Variants in TNKS observed in about 807,000 individuals in gnomAD.
TNKS encodes the protein poly [ADP-ribose] polymerase tankyrase-1.
Under a neutral mutation model 135.8 loss-of-function variants are expected in TNKS, and 72 were observed. The ratio of observed to expected loss-of-function variants is 0.53; its 90% CI spans 0.44 to 0.64. The LOEUF (loss-of-function observed/expected upper bound fraction) is 0.64. Among genes scored for constraint, TNKS ranks in the 30% least tolerant of loss-of-function variants. The probability of loss-of-function intolerance (pLI) is 0.00; values close to 1 mark genes in which losing one functional copy is unlikely to be tolerated. For missense variants in TNKS, 1,769 were observed against 1,674.0 expected, an observed-to-expected ratio of 1.06 and a Z score of -0.99; for synonymous variants, 849 against 649.3, an observed-to-expected ratio of 1.31 and a Z score of -4.68.
At chr8:9,743,995 T>C (rs1806102854) in intron 17 of TNKS, among the ~76,000 whole-genome samples, 1 of 152,238 alleles carries the variant, frequency 6.6e-6, no homozygotes, top group South Asian at 2.1e-4. Flanking sequence ...TTGATCATTA[T>C]TCCTTCATAC....
intron 3 of TNKS, among the ~76,000 whole-genome samples, chr8:9,617,984 G>GTT (rs33956228): frequency 2.2e-4 from 21 of 93,990 alleles, no homozygotes; most frequent in East Asian, 8.7e-4. Context: ...CTCTTTTTTG[G>GTT]TTTTTTTTTT....
intron 2 of TNKS, among the ~76,000 whole-genome samples, chr8:9,599,672 G>A (rs1261270292): frequency 6.6e-6 from 1 of 152,056 alleles, no homozygotes; most frequent in Non-Finnish European, 1.5e-5. Flanking sequence ...AATGTATTGT[G>A]TCCTGGATTA....
At position 9,705,916 on chromosome 8, in the gene TNKS, A is replaced by G. The variant is rs187023378; in HGVS notation, c.1203-271A>G. ...TAAATACTTAATATATAATGCATGC[A>G]TTTGTCAATTAGCATATGATCTTCC... On this transcript the variant is annotated intron_variant, in intron 6 of 26. Coordinates refer to ENST00000310430, the MANE Select transcript of TNKS (RefSeq NM_003747.3). 4.9e-4 allele frequency among the ~76,000 whole-genome samples: 75 copies of G among 152,292 alleles called. No homozygotes were observed. In the Middle Eastern group the frequency reaches 0.017, roughly 35 times the overall value.
At chr8:9,719,691 G>A (rs539186227) in intron 11 of TNKS, among the ~76,000 whole-genome samples, 1 of 152,254 alleles carries the variant, frequency 6.6e-6, no homozygotes, top group Admixed American at 6.5e-5. Context: ...AGAGGGTGCT[G>A]ATTGGGATCT....
At chr8:9,773,706 TA>T (rs1340236281) in intron 26 of TNKS, among the ~76,000 whole-genome samples, 1 of 150,672 alleles carries the variant, frequency 6.6e-6, no homozygotes, top group Non-Finnish European at 1.5e-5. Context: ...GAGTGATTAG[TA>T]CAAAACTTAT....
rs894982099 is a variant in TNKS, at chr8:9,722,678, T to A, written c.1921+2133T>A. Among the ~76,000 whole-genome samples the A allele has an allele frequency of 2.6e-5, 4 of 152,326 alleles. No individual in the cohort carries two copies. The East Asian group carries it at 7.7e-4, about 29-fold the overall frequency. On this transcript the variant is annotated intron_variant, in intron 12 of 26. Transcript: ENST00000310430. Reference sequence around the variant, plus strand: ...TTCCCTCTCAGTAAATTCTAATGATTTCTAAAAGTTGTGATTTTTGTTAAA... The same window carrying A: ...TTCCCTCTCAGTAAATTCTAATGATATCTAAAAGTTGTGATTTTTGTTAAA...
intron 22 of TNKS, among the ~76,000 whole-genome samples, chr8:9,763,978 G>A (rs1322206280): frequency 2.6e-4 from 40 of 152,118 alleles, no homozygotes; most frequent in Non-Finnish European, 1.5e-5. Flanking sequence ...CCCCAGGGCT[G>A]TATTTCAGCT....
chr8:9,567,438 C>T (rs1001744430), intron 1 of TNKS, among the ~76,000 whole-genome samples: 11 of 152,104 alleles, frequency 7.2e-5, no homozygotes, highest in Admixed American at 2.0e-4. Context: ...TTTTTTGAGA[C>T]GGAGTCTCGC....
intron 5 of TNKS, among the ~76,000 whole-genome samples, chr8:9,687,342 G>A (rs912753103): frequency 2.0e-5 from 3 of 152,170 alleles, no homozygotes; most frequent in East Asian, 1.9e-4. Flanking sequence ...TTCGGAGTAC[G>A]TCTTGCTGAG....
At chr8:9,580,086 T>TG in intron 1 of TNKS, 73 bp from the exon 2 acceptor site, 1 of 1,280,198 alleles carries the variant, frequency 7.8e-7, no homozygotes, top group Admixed American at 1.7e-5. Flanking sequence ...TTGTTGATAT[T>TG]GTTACAGATA....
intron 3 of TNKS, among the ~76,000 whole-genome samples, chr8:9,662,480 C>A (rs1045847727): frequency 2.0e-5 from 3 of 152,086 alleles, no homozygotes; most frequent in Non-Finnish European, 2.9e-5. Flanking sequence ...TCATTCTCAG[C>A]AAACTATCGC....
At chr8:9,619,346 G>T (rs755323083) in intron 3 of TNKS, among the ~76,000 whole-genome samples, 1 of 152,202 alleles carries the variant, frequency 6.6e-6, no homozygotes, top group African/African-American at 2.4e-5. Flanking sequence ...TCTGGGCAGA[G>T]TGGAAAGGAT....
At chr8:9,598,120 T>C (rs1307032391) in intron 2 of TNKS, among the ~76,000 whole-genome samples, 2 of 152,152 alleles carry the variant, frequency 1.3e-5, no homozygotes, top group African/African-American at 4.8e-5. Context: ...GATATATTTA[T>C]GATATACTTT....
At chr8:9,767,445 C>T (rs915332172) in intron 25 of TNKS, among the ~76,000 whole-genome samples, 3 of 152,166 alleles carry the variant, frequency 2.0e-5, no homozygotes, top group Admixed American at 6.5e-5. Flanking sequence ...TAATAAGATA[C>T]TTTGTAATTT....
chr8:9,619,968 T>C (rs997486197), intron 3 of TNKS, among the ~76,000 whole-genome samples: 5 of 151,540 alleles, frequency 3.3e-5, no homozygotes, highest in African/African-American at 1.2e-4. Context: ...TTTTTTTTTT[T>C]GCGACGGAGT....
intron 3 of TNKS, among the ~76,000 whole-genome samples, chr8:9,672,420 C>T (rs1802318044): frequency 6.6e-6 from 1 of 151,910 alleles, no homozygotes; most frequent in South Asian, 2.1e-4. Flanking sequence ...AAATATATGA[C>T]AGCTGTGCTG....
chr8:9,744,138 T>G (rs1806112970), intron 17 of TNKS, among the ~76,000 whole-genome samples: 1 of 152,202 alleles, frequency 6.6e-6, no homozygotes, highest in Non-Finnish European at 1.5e-5. Flanking sequence ...TCAATAAAAA[T>G]TACAAGTTGC....
In TNKS at chr8:9,781,405, C is replaced by T. The variant is rs1254615927; in HGVS notation, c.*4669C>T. ...GGTAGTGGGGTGTCCCTCACACACC[C>T]GCGCACCCCTCCCAAAGTTCAGGAT... On this transcript the variant is annotated 3_prime_UTR_variant, in exon 27 of 27. Transcript: ENST00000310430. 1.3e-5 allele frequency: 2 copies of T among 152,116 alleles called. No homozygotes were observed. Among genetic ancestry groups the T allele is most frequent in the Non-Finnish European group, 2.9e-5 (2 of 68,036 alleles). 9.4% of individuals were successfully genotyped at this position (152,116 alleles called of 1,614,324 possible). A position where few individuals can be genotyped will look rare whatever the true frequency, so the allele number is the denominator to read the frequency against.
chr8:9,617,462 C>G (rs1369866345), intron 3 of TNKS, among the ~76,000 whole-genome samples: 2 of 152,146 alleles, frequency 1.3e-5, no homozygotes, highest in Non-Finnish European at 2.9e-5. Flanking sequence ...TGATCTACAG[C>G]TTTTCAGATG....
Sources: allele counts gnomAD v4.1 joint callset (sites outside exome capture counted in the v4.1 genomes callset), GRCh38; gene constraint gnomAD v4.1.1; transcripts MANE v1.5; gene names NCBI Gene and HGNC (gene_info 2026-07-23, HGNC 2026-07-21).